ZNF439: variants seen among roughly 807,000 people sequenced by gnomAD.
ZNF439 encodes the protein zinc finger protein 439.
In ZNF439, 40 loss-of-function variants were observed where a neutral mutation model predicts 47.3. The observed-to-expected ratio is 0.85, with a 90% CI of 0.66 to 1.10. ZNF439 has a LOEUF of 1.10. Among genes scored for constraint, ZNF439 ranks in the 50% least tolerant of loss-of-function variants. The pLI is 0.00. For synonymous variants in ZNF439, 171 were observed against 198.8 expected, an observed-to-expected ratio of 0.86 and a Z score of 1.18; for missense variants, 556 against 601.1, an observed-to-expected ratio of 0.93 and a Z score of 0.78.
At chr19:11,865,112 C>T (rs1482937066) in intron 1 of ZNF439, among the ~76,000 whole-genome samples, 2 of 152,140 alleles carry the variant, frequency 1.3e-5, no homozygotes, top group Non-Finnish European at 2.9e-5. Context: ...AATAATATTC[C>T]ATTGTATGTA....
chr19:11,850,492 C>G (rs1474643818), intron 1 of ZNF439: 1 of 152,052 alleles, frequency 6.6e-6, no homozygotes, highest in Non-Finnish European at 1.5e-5. Flanking sequence ...CTTATTTGGA[C>G]TTGTCAACCG....
chr19:11,851,845 G>A (rs772971498), intron 1 of ZNF439, among the ~76,000 whole-genome samples: 34 of 151,882 alleles, frequency 2.2e-4, no homozygotes, highest in Non-Finnish European at 4.4e-4. Flanking sequence ...GTGGGGTCTC[G>A]ATACATTGCC....
chr19:11,858,086 A>G (rs897457818), intron 1 of ZNF439: 2 of 152,184 alleles, frequency 1.3e-5, no homozygotes, highest in African/African-American at 2.4e-5. Context: ...TTTGATAAAG[A>G]GAAACAGGTT....
chr19:11,854,655 G>A (rs950016656), intron 1 of ZNF439, among the ~76,000 whole-genome samples: 1 of 152,196 alleles, frequency 6.6e-6, no homozygotes, highest in African/African-American at 2.4e-5. Flanking sequence ...CTACTCAGGA[G>A]GCTGAGGCAG....
In ZNF439 at chr19:11,868,942, C is replaced by A; in HGVS notation, c.*373C>A. On this transcript the variant is annotated 3_prime_UTR_variant, in exon 4 of 4. Coordinates refer to ENST00000682736, the MANE Select transcript of ZNF439 (RefSeq NM_001348719.2). ...GGAAAGCATTCATATCTGCCAAGAT[C>A]GTTTGAATACATGCAAAACACACAC... 1 of 313,402 alleles carries A rather than the reference C, an allele frequency of 3.2e-6. No homozygotes were observed. Among genetic ancestry groups the A allele is most frequent in the South Asian group, 3.6e-5 (1 of 27,606 alleles). 19.4% of individuals were successfully genotyped at this position (313,402 alleles called of 1,614,324 possible). A position where few individuals can be genotyped will look rare whatever the true frequency, so the allele number is the denominator to read the frequency against.
At chr19:11,852,475 C>T (rs1036143040) in intron 1 of ZNF439, among the ~76,000 whole-genome samples, 2 of 152,152 alleles carry the variant, frequency 1.3e-5, no homozygotes, top group African/African-American at 4.8e-5. Context: ...TTTAGAGATG[C>T]ACCAGCTTAA....
intron 1 of ZNF439, chr19:11,849,216 G>A: frequency 9.5e-7 from 1 of 1,050,234 alleles, no homozygotes; most frequent in Non-Finnish European, 1.1e-6. Flanking sequence ...GGAGGGTCAT[G>A]CGCGGATTTC....
In ZNF439 at chr19:11,856,246, C is replaced by G. The variant is rs534685220; in HGVS notation, c.63+7316C>G. The G allele has an allele frequency of 2.3e-3, 352 of 152,320 alleles. 1 individual carries two copies. The highest frequency in any genetic ancestry group is 7.9e-3 in the African/African-American group (328 of 41,566). 9.4% of individuals were successfully genotyped at this position (152,320 alleles called of 1,614,324 possible). A position where few individuals can be genotyped will look rare whatever the true frequency, so the allele number is the denominator to read the frequency against. ...TTTTATTTGAGGTGGTAGCTGGTCT[C>G]CTATACCCCCTTTCTGTTTTTTCAA... On this transcript the variant is annotated intron_variant, in intron 1 of 3. Coordinates refer to ENST00000682736, the MANE Select transcript of ZNF439 (RefSeq NM_001348719.2).
rs566930912 is a variant in ZNF439, at chr19:11,860,402, CCTCTTTAGGGCACTGATCAGTAT to C, written c.64-5786_64-5764del. ...CACCTACCTTATATTGCTCCCAGTA[CCTCTTTAGGGCACTGATCAGTAT>C]CTCTTTAGGGCACTGACTTTATATC... On this transcript the variant is annotated intron_variant, in intron 1 of 3. Transcript: ENST00000682736. Among the ~76,000 whole-genome samples, 342 of 152,242 alleles carry C rather than the reference CCTCTTTAGGGCACTGATCAGTAT, an allele frequency of 2.2e-3. 2 individuals are homozygous for C. The highest frequency in any genetic ancestry group is 7.3e-3 in the African/African-American group (302 of 41,524).
intron 1 of ZNF439, chr19:11,849,910 T>C (rs1976187169): frequency 6.6e-6 from 1 of 152,210 alleles, no homozygotes; most frequent in Non-Finnish European, 1.5e-5. Context: ...TGTTTTTACA[T>C]GAATGTGCGT....
intron 3 of ZNF439, 58 bp downstream of exon 3, chr19:11,866,655 C>T: frequency 6.5e-7 from 1 of 1,527,748 alleles, no homozygotes; most frequent in Non-Finnish European, 8.9e-7. Context: ...GAATATGAGA[C>T]TATGTTAAAA....
chr19:11,868,482 T>C lies in ZNF439; in HGVS notation c.1428T>C (p.Cys476=), dbSNP rs1462155928. The change falls in exon 4 of 4, where the codon TGT becomes TGC. Residue 476 remains cysteine, a synonymous_variant. Transcript: ENST00000682736. The part of the protein sequence containing the change: ...TGEKPYECKK[C]GKAFRYVQNF... ...AGAAACCCTATGAATGTAAGAAATG[T>C]GGGAAAGCCTTCAGATATGTCCAGA... is the stretch of plus-strand genomic sequence containing the variant. 6.2e-7 allele frequency: 1 copy of C among 1,613,376 alleles called. No individual in the cohort carries two copies. Among genetic ancestry groups the C allele is most frequent in the African/African-American group, 1.3e-5 (1 of 74,854 alleles).
intron 1 of ZNF439, among the ~76,000 whole-genome samples, chr19:11,861,326 G>A (rs1156408069): frequency 1.3e-5 from 2 of 152,022 alleles, no homozygotes; most frequent in Non-Finnish European, 1.5e-5. Context: ...ACAGGGTGAT[G>A]TGTCTTCAGT....
Position 11,868,040 on chromosome 19 carries a change from A to G in ZNF439, c.986A>G (p.Lys329Arg). Residue 329 changes from lysine to arginine, a missense_variant, in exon 4 of 4, where the codon AAA (lysine) becomes AGA (arginine). Transcript: ENST00000682736. ...CATGAAAGGACCCACTCTAGGAAAA[A>G]ACTTTATGAATGTAAGCAGTGTGGG... ...RRHERTHSRK[K>R]LYECKQCGKA... The G allele has an allele frequency of 3.7e-6, 6 of 1,614,152 alleles. No homozygotes were observed. The highest frequency in any genetic ancestry group is 5.1e-6 in the Non-Finnish European group (6 of 1,180,026).
chr19:11,865,967 A>G, intron 1 of ZNF439: 4 of 1,275,246 alleles, frequency 3.1e-6, no homozygotes, highest in Non-Finnish European at 4.0e-6. Flanking sequence ...GTGAGCCGAG[A>G]TTGCACCATT....
intron 1 of ZNF439, among the ~76,000 whole-genome samples, chr19:11,859,336 G>A (rs2145169170): frequency 6.6e-6 from 1 of 152,286 alleles, no homozygotes; most frequent in East Asian, 1.9e-4. Flanking sequence ...GCCATTTGAT[G>A]TTCCAGGTCT....
chr19:11,863,082 G>C (rs1976581070), intron 1 of ZNF439, among the ~76,000 whole-genome samples: 1 of 151,056 alleles, frequency 6.6e-6, no homozygotes, highest in South Asian at 2.1e-4. Context: ...ATGTAATGTA[G>C]AGCATCCTGT....
chr19:11,853,421 T>C (rs1448409185), intron 1 of ZNF439, among the ~76,000 whole-genome samples: 1 of 152,166 alleles, frequency 6.6e-6, no homozygotes, highest in Non-Finnish European at 1.5e-5. Flanking sequence ...GCACCCTTCA[T>C]GTTTACTGAG....
rs78394487 is a variant in ZNF439, at chr19:11,855,352, G to C, written c.63+6422G>C. Among the ~76,000 whole-genome samples the C allele has an allele frequency of 6.2e-3, 944 of 152,248 alleles. 8 individuals carry two copies. The highest frequency in any genetic ancestry group is 0.022 in the African/African-American group (902 of 41,524). On this transcript the variant is annotated intron_variant, in intron 1 of 3. Transcript: ENST00000682736. ...GAAGGGAATCCATTCCATATAGTCA[G>C]CACAGGTGGGGCGACTGGGCCGGGA... is the stretch of plus-strand genomic sequence containing the variant.
Sources: allele counts gnomAD v4.1 joint callset (sites outside exome capture counted in the v4.1 genomes callset), GRCh38; gene constraint gnomAD v4.1.1; transcripts MANE v1.5; gene names NCBI Gene and HGNC (gene_info 2026-07-23, HGNC 2026-07-21).